CDCA7: variants seen among roughly 807,000 people sequenced by gnomAD.
CDCA7 encodes cell division cycle-associated protein 7.
CDCA7 carries 28 observed loss-of-function variants against 54.0 expected under a neutral mutation model. That is an observed-to-expected ratio of 0.52 (90% CI 0.38 to 0.71). CDCA7 has a LOEUF of 0.71. CDCA7 is among the 30% of genes least tolerant of loss of function. The pLI is 0.00. For missense variants in CDCA7, 484 were observed against 586.0 expected (o/e 0.83, Z 1.80); for synonymous variants, 180 against 208.2 (o/e 0.86, Z 1.16).
intron 1 of CDCA7, chr2:173,358,387 G>C (rs1686551902): frequency 5.8e-6 from 1 of 171,220 alleles, no homozygotes; most frequent in South Asian, 1.8e-4. Flanking sequence ...TAAGTTAGCT[G>C]GGCATGGTGG....
chr2:173,362,567 C>T (rs1165963874), intron 3 of CDCA7, among the ~76,000 whole-genome samples: 1 of 123,606 alleles, frequency 8.1e-6, no homozygotes, highest in Non-Finnish European at 1.6e-5. Context: ...TAGGGGAACA[C>T]ATTTTTTTCC....
At position 173,367,296 on chromosome 2, in the gene CDCA7, GT is replaced by G. The variant is rs754138992; in HGVS notation, c.1322+19del. The G allele has an allele frequency of 3.6e-5, 58 of 1,602,358 alleles. No individual in the cohort carries two copies. Among genetic ancestry groups the G allele is most frequent in the Middle Eastern group, 1.7e-4 (1 of 5,998 alleles). ...ATGCCTACTTGAAAAGGTAGTGGGT[GT>G]TTTTTTTTCCCTTCCACATCTGAAT... On this transcript the variant is annotated intron_variant, in intron 9 of 9. Transcript: ENST00000306721.
intron 2 of CDCA7, 139 bp from the exon 3 acceptor site, chr2:173,359,116 G>A (rs1686569579): frequency 3.8e-6 from 3 of 786,004 alleles, no homozygotes; most frequent in Admixed American, 2.9e-5. Context: ...GTAAACCTCT[G>A]AACCATTTTT....
rs762643782 is a variant in CDCA7 at position 173,359,360 on chromosome 2, GTAT to G, written c.256_258del (p.Leu86del). ...CTTTTCAGAAAGTGAGGTGCAAGAT[GTAT>G]TAGACCATTGTGGATTTTTACAGAA... On this transcript the variant is annotated inframe_deletion, in exon 3 of 10. Coordinates refer to ENST00000306721, the MANE Select transcript of CDCA7 (RefSeq NM_031942.5). 11 of 1,614,202 alleles carry G rather than the reference GTAT, an allele frequency of 6.8e-6. No individual in the cohort carries two copies. The South Asian group carries it at 1.2e-4, about 18-fold the overall frequency.
At chr2:173,356,770 G>T (rs1247819999) in intron 1 of CDCA7, among the ~76,000 whole-genome samples, 1 of 152,170 alleles carries the variant, frequency 6.6e-6, no homozygotes, top group African/African-American at 2.4e-5. Context: ...TTCCCAAAGC[G>T]CTGAGATTAC....
chr2:173,355,014 C>G, intron 1 of CDCA7, 30 bp downstream of exon 1: 1 of 1,367,460 alleles, frequency 7.3e-7, no homozygotes, highest in Non-Finnish European at 9.3e-7. Context: ...ACCCGAGGGG[C>G]GGGCGCGGTG....
rs35285795 is a variant in CDCA7 at position 173,363,390 on chromosome 2, C to T, written c.549C>T (p.Ser183=). 227 of 1,614,066 alleles carry T rather than the reference C, an allele frequency of 1.4e-4. No homozygotes were observed. The African/African-American group carries it at 2.1e-3, about 15-fold the overall frequency. ...PSENSVTDSN[S]DSEDESGMNF... is the part of the protein sequence containing the mutation. ...AGAATTCTGTGACTGATTCCAACTC[C>T]GATTCAGAAGATGAAAGTGGAATGA... The change falls in exon 4 of 10, where the codon TCC becomes TCT. Residue 183 remains serine (S), a synonymous_variant. Transcript: ENST00000306721.
intron 7 of CDCA7, 149 bp downstream of exon 7, chr2:173,365,741 A>T: frequency 1.2e-6 from 1 of 868,996 alleles, no homozygotes; most frequent in Non-Finnish European, 1.7e-6. Flanking sequence ...AAAGTTTTAC[A>T]GTATCCCTGG....
At chr2:173,355,839 CAG>C (rs1686492318) in intron 1 of CDCA7, among the ~76,000 whole-genome samples, 1 of 152,008 alleles carries the variant, frequency 6.6e-6, no homozygotes, top group South Asian at 2.1e-4. Context: ...AAATAAATAT[CAG>C]GGGTTAGGGA....
Position 173,359,435 on chromosome 2 carries a change from G to T in CDCA7, c.328G>T (p.Asp110Tyr), listed in dbSNP as rs751813434. The T allele has an allele frequency of 1.2e-6, 2 of 1,614,010 alleles. No individual in the cohort carries two copies. The highest frequency in any genetic ancestry group is 1.7e-5 in the Admixed American group (1 of 59,998). The change falls in exon 3 of 10, where the codon GAC becomes TAC. Residue 110 changes from aspartate to tyrosine, a missense_variant. By Grantham distance (160) the Asp-to-Tyr change is radical. This residue lies in a region of CDCA7 where 398 missense variants were observed against 447.4 expected (regional missense o/e 0.89). Coordinates refer to ENST00000306721, the MANE Select transcript of CDCA7 (RefSeq NM_031942.5). ...CGAACTGGCCGGTATTTTTCATGCC[G>T]ACTCTGACGATGAATCATTTTGCGG... ...TNELAGIFHA[D>Y]SDDESFCGFS...
chr2:173,358,624 T>C (rs1686558450), intron 1 of CDCA7, 88 bp from the exon 2 acceptor site: 1 of 1,442,508 alleles, frequency 6.9e-7, no homozygotes, highest in African/African-American at 1.4e-5. Context: ...CTCTGTGCTG[T>C]TTGAACCTAC....
rs1257679570 is a variant in CDCA7 at position 173,367,199 on chromosome 2, G to A, written c.1235G>A (p.Arg412Gln). The part of the protein sequence containing the change: ...CRGICNCSFC[R>Q]QRDGRCATGV... ...GGAATCTGCAACTGCAGTTTCTGCCGGCAGCGAGATGGACGGTGTGCGACT... is the reference window on the plus strand; with the variant it reads ...GGAATCTGCAACTGCAGTTTCTGCCAGCAGCGAGATGGACGGTGTGCGACT... The change falls in exon 9 of 10, where the codon CGG becomes CAG. Residue 412 changes from arginine to glutamine, a missense_variant. Arg to Gln is a conservative substitution (Grantham distance 43). Around this residue, in one of 3 missense-constraint regions of CDCA7, gnomAD observed 83 missense variants for 122.3 expected, o/e 0.68. Transcript: ENST00000306721. The A allele has an allele frequency of 3.1e-6, 5 of 1,606,078 alleles. No individual in the cohort carries two copies. The highest frequency in any genetic ancestry group is 3.4e-6 in the Non-Finnish European group (4 of 1,177,524).
intron 1 of CDCA7, among the ~76,000 whole-genome samples, chr2:173,358,252 A>G (rs1025009450): frequency 8.6e-5 from 13 of 151,874 alleles, no homozygotes; most frequent in African/African-American, 3.1e-4. Flanking sequence ...TTGGGTCCAG[A>G]TACAGTAGCT....
chr2:173,365,092 C>A, intron 6 of CDCA7, 103 bp downstream of exon 6: 1 of 1,408,982 alleles, frequency 7.1e-7, no homozygotes, highest in Non-Finnish European at 9.2e-7. Flanking sequence ...CCAGGCGATC[C>A]ATAGTAAATG....
intron 2 of CDCA7, 54 bp from the exon 3 acceptor site, chr2:173,359,201 G>A: frequency 6.2e-6 from 9 of 1,443,750 alleles, no homozygotes; most frequent in Admixed American, 3.6e-5. Context: ...ATGGAAAATT[G>A]GTTCTTGAAA....
chr2:173,366,181 T>C lies in CDCA7; in HGVS notation c.1036-102T>C, dbSNP rs551832842. 4.4e-6 allele frequency: 6 copies of C among 1,348,884 alleles called. No homozygotes were observed. Among genetic ancestry groups the C allele is most frequent in the Non-Finnish European group, 6.1e-6 (6 of 990,612 alleles). The allele number at this position is 1,348,884 out of a possible 1,614,324, so 83.6% of individuals were successfully genotyped here. A position where few individuals can be genotyped will look rare whatever the true frequency, so the allele number is the denominator to read the frequency against. On this transcript the variant is annotated intron_variant, in intron 7 of 9. Coordinates refer to ENST00000306721, the MANE Select transcript of CDCA7 (RefSeq NM_031942.5). This position sits in a 1 kb window ranked among gnomAD's most constrained non-coding sequence, Gnocchi z 4.5. ...TGTATGTAGAGATTCATAGACAAAA[T>C]GTAAGCCTATACTACGAAGAGGGAC...
chr2:173,365,493 G>A lies in CDCA7; in HGVS notation c.936G>A (p.Val312=). The change falls in exon 7 of 10, where the codon GTG becomes GTA. Residue 312 remains valine (V), a synonymous_variant. Coordinates refer to ENST00000306721, the MANE Select transcript of CDCA7 (RefSeq NM_031942.5). Reference sequence around the variant, plus strand: ...GAAGCCGTCGCTCCAGATCATCCGTGACCCTTCCGCATATAATTCGCCCAG... The same window carrying A: ...GAAGCCGTCGCTCCAGATCATCCGTAACCCTTCCGCATATAATTCGCCCAG... The part of the protein sequence containing the change: ...LPRSRRSRSS[V]TLPHIIRPVE... 2 of 1,614,154 alleles carry A rather than the reference G, an allele frequency of 1.2e-6. No homozygotes were observed. The highest frequency in any genetic ancestry group is 4.5e-5 in the East Asian group (2 of 44,890).
intron 3 of CDCA7, among the ~76,000 whole-genome samples, chr2:173,362,871 C>T (rs1273852745): frequency 6.6e-6 from 1 of 152,124 alleles, no homozygotes; most frequent in East Asian, 1.9e-4. Flanking sequence ...AGCCACTGCA[C>T]CCAGCCAGGA....
rs1278847237 is a variant in CDCA7, at chr2:173,368,139, A to G, written c.*475A>G. ...GCATTCATACTAGTTGAAATTTTTAATAGAATCAAGGCACAAAAGTCTTAA... is the reference window on the plus strand; with the variant it reads ...GCATTCATACTAGTTGAAATTTTTAGTAGAATCAAGGCACAAAAGTCTTAA... On this transcript the variant is annotated 3_prime_UTR_variant, in exon 10 of 10. Coordinates refer to ENST00000306721, the MANE Select transcript of CDCA7 (RefSeq NM_031942.5). The G allele has an allele frequency of 6.3e-6, 1 of 157,728 alleles. No individual in the cohort carries two copies. Among genetic ancestry groups the G allele is most frequent in the African/African-American group, 2.4e-5 (1 of 41,552 alleles). The allele number at this position is 157,728 out of a possible 1,614,324, so 9.8% of individuals were successfully genotyped here.
Sources: allele counts gnomAD v4.1 joint callset (sites outside exome capture counted in the v4.1 genomes callset), GRCh38; gene constraint gnomAD v4.1.1; regional missense constraint gnomAD v4.1.1; non-coding constraint Gnocchi (gnomAD v3.1); transcripts MANE v1.5; gene names NCBI Gene and HGNC (gene_info 2026-07-23, HGNC 2026-07-21).